TEX14: variants seen among roughly 807,000 people sequenced by gnomAD.
The protein encoded by TEX14 is testis expressed 14, intercellular bridge forming factor, also known as inactive serine/threonine-protein kinase TEX14.
TEX14 carries 168 observed loss-of-function variants against 178.6 expected under a neutral mutation model. The observed-to-expected ratio is 0.94, with a 90% CI of 0.83 to 1.07. TEX14 has a LOEUF of 1.07. TEX14 is among the 50% of genes least tolerant of loss of function. The probability of loss-of-function intolerance (pLI) is 0.00; values close to 1 mark genes in which losing one functional copy is unlikely to be tolerated. For synonymous variants in TEX14, 626 were observed against 634.1 expected, an observed-to-expected ratio of 0.99 and a Z score of 0.19; for missense variants, 1,730 against 1,753.6, an observed-to-expected ratio of 0.99 and a Z score of 0.24.
chr17:58,623,864 TGAA>T (rs1349556017), intron 3 of TEX14, among the ~76,000 whole-genome samples: 1 of 151,562 alleles, frequency 6.6e-6, no homozygotes, highest in African/African-American at 2.4e-5. Context: ...AAAAGGATGA[TGAA>T]GAGAAGATAA....
At chr17:58,648,731 C>G (rs1487514543) in intron 2 of TEX14, among the ~76,000 whole-genome samples, 1 of 151,642 alleles carries the variant, frequency 6.6e-6, no homozygotes, top group South Asian at 2.1e-4. Context: ...TGTCTTGAGA[C>G]TGGCAAGGAT....
At chr17:58,590,547 T>TTGC (rs1306241448) in intron 15 of TEX14, among the ~76,000 whole-genome samples, 1 of 151,652 alleles carries the variant, frequency 6.6e-6, no homozygotes, top group Admixed American at 6.6e-5. Context: ...GTTGTTGTTG[T>TTGC]TGTTGTTGTT....
intron 19 of TEX14, among the ~76,000 whole-genome samples, chr17:58,581,308 C>T (rs904796283): frequency 3.4e-5 from 5 of 149,180 alleles, no homozygotes; most frequent in African/African-American, 1.2e-4. Context: ...GAGACTCTAT[C>T]TCAAAAATTA....
intron 1 of TEX14, among the ~76,000 whole-genome samples, chr17:58,656,244 G>C (rs2046956467): frequency 6.6e-6 from 1 of 152,150 alleles, no homozygotes; most frequent in African/African-American, 2.4e-5. Context: ...AGGAGTTCAA[G>C]ACCAGCTTGA....
At chr17:58,682,810 T>G (rs2047522747) in intron 1 of TEX14, among the ~76,000 whole-genome samples, 3 of 152,156 alleles carry the variant, frequency 2.0e-5, no homozygotes, top group African/African-American at 7.2e-5. Context: ...AAAAGATGTC[T>G]GTCCTCCACT....
At chr17:58,607,773 G>A (rs2045644271) in intron 10 of TEX14, among the ~76,000 whole-genome samples, 1 of 152,236 alleles carries the variant, frequency 6.6e-6, no homozygotes, top group Non-Finnish European at 1.5e-5. Flanking sequence ...TAGCCAGAGA[G>A]GTCAACCCTG....
intron 2 of TEX14, among the ~76,000 whole-genome samples, chr17:58,639,349 T>G (rs570062394): frequency 9.6e-5 from 2 of 20,936 alleles, no homozygotes; most frequent in South Asian, 2.8e-3. Flanking sequence ...AAGGTGCCAG[T>G]AGTGTATACT....
chr17:58,608,999 G>A (rs1376885233), intron 10 of TEX14, among the ~76,000 whole-genome samples: 1 of 152,238 alleles, frequency 6.6e-6, no homozygotes, highest in African/African-American at 2.4e-5. Context: ...TTTTAACTCA[G>A]ATTAAAAATG....
chr17:58,627,913 CTTTT>C (rs1172697593), intron 3 of TEX14, among the ~76,000 whole-genome samples: 2 of 75,672 alleles, frequency 2.6e-5, no homozygotes, highest in East Asian at 3.9e-4. Context: ...CCCATGCCAC[CTTTT>C]TTTTTTTTTT....
chr17:58,604,017 G>A (rs1466690481), intron 11 of TEX14, among the ~76,000 whole-genome samples: 1 of 148,048 alleles, frequency 6.8e-6, no homozygotes, highest in Non-Finnish European at 1.5e-5. Flanking sequence ...AGTGGATTTG[G>A]AAGTACATCC....
Position 58,615,346 on chromosome 17 carries a change from C to CT in TEX14, c.768-2dup. ...GACCCTGCTCCCATTCCACACTAGG[C>CT]TACAAGGACAGGAAAGAGTTTCAGC... On this transcript the variant is annotated splice_acceptor_variant, in intron 7 of 31. Coordinates refer to ENST00000349033, the MANE Select transcript of TEX14 (RefSeq NM_031272.5). LOFTEE classifies it high-confidence loss of function. 1 of 1,582,364 alleles carries CT rather than the reference C, an allele frequency of 6.3e-7. No homozygotes were observed. The highest frequency in any genetic ancestry group is 1.7e-5 in the Admixed American group (1 of 59,904).
intron 3 of TEX14, among the ~76,000 whole-genome samples, chr17:58,623,599 G>A (rs1378951229): frequency 2.0e-5 from 3 of 152,126 alleles, no homozygotes; most frequent in Non-Finnish European, 4.4e-5. Flanking sequence ...GACATGAAGG[G>A]ACAGCCTTTA....
Position 58,573,206 on chromosome 17 carries a change from G to T in TEX14, c.3486C>A (p.Thr1162=). Residue 1162 remains threonine, a synonymous_variant, in exon 23 of 32, where the codon ACC becomes ACA. Coordinates refer to ENST00000349033, the MANE Select transcript of TEX14 (RefSeq NM_031272.5). ...CKTPKINHAP[T]SVSTPLSPGS... ...CTGGGCTGAGTGGAGTGCTGACACTGGTAGGTGCATGGTTTATTTTGGGTG... is the reference window on the plus strand; with the variant it reads ...CTGGGCTGAGTGGAGTGCTGACACTTGTAGGTGCATGGTTTATTTTGGGTG... The T allele has an allele frequency of 6.2e-7, 1 of 1,614,130 alleles. No individual in the cohort carries two copies. Among genetic ancestry groups the T allele is most frequent in the African/African-American group, 1.3e-5 (1 of 75,046 alleles).
At chr17:58,621,629 T>C in intron 5 of TEX14, 21 bp downstream of exon 5, 1 of 1,601,524 alleles carries the variant, frequency 6.2e-7, no homozygotes, top group Non-Finnish European at 8.5e-7. Context: ...ACTATCCCAC[T>C]CTGCTCAAGG....
At chr17:58,649,965 C>G (rs1345616857) in intron 2 of TEX14, among the ~76,000 whole-genome samples, 1 of 152,078 alleles carries the variant, frequency 6.6e-6, no homozygotes, top group Non-Finnish European at 1.5e-5. Flanking sequence ...GTCTCGAACT[C>G]CTGACCTCAG....
chr17:58,641,014 C>G (rs2046562061), intron 2 of TEX14, among the ~76,000 whole-genome samples: 1 of 152,096 alleles, frequency 6.6e-6, no homozygotes, highest in Non-Finnish European at 1.5e-5. Flanking sequence ...GCCACCATAC[C>G]CTGCCCATCA....
At chr17:58,620,927 C>T (rs2045983463) in intron 5 of TEX14, among the ~76,000 whole-genome samples, 1 of 152,180 alleles carries the variant, frequency 6.6e-6, no homozygotes. Context: ...AGCATCCAAT[C>T]ATCAGAGGAA....
At chr17:58,588,881 A>T (rs967676666) in intron 15 of TEX14, among the ~76,000 whole-genome samples, 1 of 152,186 alleles carries the variant, frequency 6.6e-6, no homozygotes, top group Non-Finnish European at 1.5e-5. Flanking sequence ...CTTGTACAAC[A>T]TAGTGAAACT....
chr17:58,611,403 T>G, intron 9 of TEX14, 64 bp from the exon 10 acceptor site: 1 of 1,213,120 alleles, frequency 8.2e-7, no homozygotes, highest in African/African-American at 1.5e-5. Flanking sequence ...CTGTAGAGCA[T>G]TTTGTGATTT....
Sources: gnomAD v4.1 joint callset for allele counts (sites outside exome capture counted in the v4.1 genomes callset) on GRCh38, gnomAD v4.1.1 for gene constraint, MANE v1.5 for transcripts, NCBI Gene and HGNC (gene_info 2026-07-23, HGNC 2026-07-21) for gene names.